Variants in ITGA1 observed in about 807,000 individuals in gnomAD.
The protein encoded by ITGA1 is integrin subunit alpha 1, also known as integrin alpha-1.
In ITGA1, 85 loss-of-function variants were observed where a neutral mutation model predicts 145.9. The ratio of observed to expected loss-of-function variants is 0.58; its 90% CI spans 0.49 to 0.70. ITGA1 has a LOEUF of 0.70. Ranked by LOEUF, ITGA1 falls within the 30% of genes least tolerant of loss-of-function variation. ITGA1 has a pLI of 0.00. For missense variants in ITGA1, 1,351 were observed against 1,418.7 expected, an observed-to-expected ratio of 0.95 and a Z score of 0.77; for synonymous variants, 520 against 495.3, an observed-to-expected ratio of 1.05 and a Z score of -0.66.
At chr5:52,880,750 C>A (rs2111802814) in intron 6 of ITGA1, among the ~76,000 whole-genome samples, 1 of 152,330 alleles carries the variant, frequency 6.6e-6, no homozygotes, top group African/African-American at 2.4e-5. Context: ...TAATGAATCA[C>A]CTGGAATTCC....
intron 1 of ITGA1, among the ~76,000 whole-genome samples, chr5:52,841,795 ATACT>A (rs1346213647): frequency 1.3e-5 from 2 of 152,188 alleles, no homozygotes; most frequent in Non-Finnish European, 2.9e-5. Flanking sequence ...GTTATAGAAA[ATACT>A]TAATATATCA....
chr5:52,861,547 T>C lies in ITGA1; in HGVS notation c.283T>C (p.Leu95=). The C allele has an allele frequency of 6.2e-7, 1 of 1,603,330 alleles. No homozygotes were observed. The highest frequency in any genetic ancestry group is 1.1e-5 in the South Asian group (1 of 90,868). ...AGGTGAATCATTACCTTGTGTAAAG[T>C]TGGATCTACCAGGTATGTAAAATTA... is the stretch of plus-strand genomic sequence containing the variant. ...GRGESLPCVK[L]DLPVNTSIPN... is the part of the protein sequence containing the mutation. Residue 95 remains leucine, a synonymous_variant, in exon 3 of 29, where the codon TTG becomes CTG. Transcript: ENST00000282588.
rs147676632 is a variant in ITGA1, at chr5:52,857,801, C to T, written c.183-3646C>T. Among the ~76,000 whole-genome samples the T allele has an allele frequency of 4.5e-3, 678 of 152,254 alleles. 33 individuals carry two copies. Among genetic ancestry groups the T allele is most frequent in the Admixed American group, 0.037 (562 of 15,288 alleles). On this transcript the variant is annotated intron_variant, in intron 2 of 28. Coordinates refer to ENST00000282588, the MANE Select transcript of ITGA1 (RefSeq NM_181501.2). ...TGCTCATATCATGCTCATACATGTT[C>T]CACATGGTTTCTGAGATGTTCCCCA...
intron 17 of ITGA1, among the ~76,000 whole-genome samples, chr5:52,922,094 A>G (rs1750736394): frequency 6.6e-6 from 1 of 152,146 alleles, no homozygotes; most frequent in African/African-American, 2.4e-5. Flanking sequence ...TGAGGTCAGG[A>G]GTTCGAGACC....
In ITGA1 at chr5:52,882,059, C is replaced by A. The variant is rs775119114; in HGVS notation, c.773+38C>A. The stretch of plus-strand genomic sequence containing the variant: ...AAAAATAAACTAAAGTAAAAGACTG[C>A]AAAAATAACTGCTCATGATTTAGCC... On this transcript the variant is annotated intron_variant, in intron 7 of 28. Coordinates refer to ENST00000282588, the MANE Select transcript of ITGA1 (RefSeq NM_181501.2). 4 of 1,473,832 alleles carry A rather than the reference C, an allele frequency of 2.7e-6. No homozygotes were observed. In the South Asian group the frequency reaches 5.8e-5, roughly 21 times the overall value. The allele number at this position is 1,473,832 out of a possible 1,614,324, so 91.3% of individuals were successfully genotyped here.
At chr5:52,819,274 G>T (rs1161587568) in intron 1 of ITGA1, among the ~76,000 whole-genome samples, 1 of 152,182 alleles carries the variant, frequency 6.6e-6, no homozygotes, top group African/African-American at 2.4e-5. Context: ...CAGTGTAAAA[G>T]TGTTCCTATT....
chr5:52,798,815 T>A (rs1292141881), intron 1 of ITGA1, among the ~76,000 whole-genome samples: 1 of 152,178 alleles, frequency 6.6e-6, no homozygotes, highest in Non-Finnish European at 1.5e-5. Flanking sequence ...AGAAACACTT[T>A]ATGGTAAAGA....
At position 52,908,973 on chromosome 5, in the gene ITGA1, G is replaced by A. The variant is rs748796243; in HGVS notation, c.1531G>A (p.Gly511Arg). 5.6e-6 allele frequency: 9 copies of A among 1,613,670 alleles called. No individual in the cohort carries two copies. The highest frequency in any genetic ancestry group is 4.5e-5 in the East Asian group (2 of 44,834). The change falls in exon 13 of 29, where the codon GGA becomes AGA. Residue 511 changes from glycine (G) to arginine (R), a missense_variant. Coordinates refer to ENST00000282588, the MANE Select transcript of ITGA1 (RefSeq NM_181501.2). Reference protein sequence around the residue: ...KDSNTDILLVGAPMYMGTEKE... With the variant: ...KDSNTDILLVRAPMYMGTEKE... ...TTCTAATACTGACATTCTTCTAGTC[G>A]GAGCCCCTATGTACATGGGAACAGA...
At chr5:52,823,801 G>A (rs907825467) in intron 1 of ITGA1, among the ~76,000 whole-genome samples, 2 of 152,224 alleles carry the variant, frequency 1.3e-5, no homozygotes, top group Admixed American at 1.3e-4. Flanking sequence ...GAAAAAAGAA[G>A]GGGAAAGTGC....
chr5:52,814,404 CTGGG>C (rs1748733228), intron 1 of ITGA1, among the ~76,000 whole-genome samples: 2 of 152,118 alleles, frequency 1.3e-5, no homozygotes, highest in Non-Finnish European at 2.9e-5. Context: ...TCCCAAAGTG[CTGGG>C]ATTACAGGTG....
chr5:52,905,971 T>A (rs772078106), intron 12 of ITGA1, 63 bp downstream of exon 12: 7 of 1,441,176 alleles, frequency 4.9e-6, no homozygotes, highest in Non-Finnish European at 6.6e-6. Context: ...ATATTTACTG[T>A]CTATTGTCCT....
At chr5:52,946,989 A>G (rs1250162824) in intron 27 of ITGA1, among the ~76,000 whole-genome samples, 1 of 152,210 alleles carries the variant, frequency 6.6e-6, no homozygotes, top group Non-Finnish European at 1.5e-5. Flanking sequence ...AACTAATGCT[A>G]TTGTGATAAT....
rs1343156590 is a variant in ITGA1 at position 52,909,056 on chromosome 5, G to A, written c.1599+15G>A. The A allele has an allele frequency of 2.5e-6, 4 of 1,596,992 alleles. No individual in the cohort carries two copies. The highest frequency in any genetic ancestry group is 2.3e-5 in the East Asian group (1 of 44,394). On this transcript the variant is annotated intron_variant, in intron 13 of 28. Transcript: ENST00000282588. The stretch of plus-strand genomic sequence containing the variant: ...CTCTCAATCAGGTAATGGTGTCTGA[G>A]TTTGGTAGAAATCCAGGAAAATCTC...
intron 6 of ITGA1, among the ~76,000 whole-genome samples, chr5:52,878,220 A>C (rs1440127944): frequency 6.6e-6 from 1 of 152,198 alleles, no homozygotes; most frequent in East Asian, 1.9e-4. Context: ...AAGTGCAGTC[A>C]TCTGAAGAGA....
intron 9 of ITGA1, among the ~76,000 whole-genome samples, chr5:52,895,262 T>A (rs1215296634): frequency 6.6e-6 from 1 of 152,136 alleles, no homozygotes; most frequent in Non-Finnish European, 1.5e-5. Context: ...CCTGTGCCTT[T>A]AGAAACAGAA....
intron 21 of ITGA1, among the ~76,000 whole-genome samples, chr5:52,929,957 A>C (rs938690150): frequency 6.6e-6 from 1 of 152,204 alleles, no homozygotes; most frequent in Non-Finnish European, 1.5e-5. Flanking sequence ...AGATACCATA[A>C]TCACACATCA....
chr5:52,905,735 G>A, intron 11 of ITGA1, 28 bp from the exon 12 acceptor site: 1 of 1,593,962 alleles, frequency 6.3e-7, no homozygotes, highest in Non-Finnish European at 8.6e-7. Context: ...GGGTCCAGGT[G>A]GTATACCTGG....
intron 11 of ITGA1, chr5:52,901,711 G>C (rs1316991417): frequency 6.6e-6 from 1 of 152,160 alleles, no homozygotes; most frequent in Non-Finnish European, 1.5e-5. Context: ...GCTTAAAGCA[G>C]ATGTGGAGAA....
At chr5:52,835,854 A>C (rs1001905959) in intron 1 of ITGA1, among the ~76,000 whole-genome samples, 4 of 152,324 alleles carry the variant, frequency 2.6e-5, no homozygotes, top group African/African-American at 9.6e-5. Flanking sequence ...TGATGTTAGA[A>C]AGCTTTCGAA....
Sources: allele counts gnomAD v4.1 joint callset (sites outside exome capture counted in the v4.1 genomes callset), GRCh38; gene constraint gnomAD v4.1.1; transcripts MANE v1.5; gene names NCBI Gene and HGNC (gene_info 2026-07-23, HGNC 2026-07-21).